AGL: variants seen among roughly 807,000 people sequenced by gnomAD.
AGL encodes the protein glycogen debranching enzyme.
Under a neutral mutation model 199.3 loss-of-function variants are expected in AGL, and 128 were observed. That is an observed-to-expected ratio of 0.64 (90% CI 0.56 to 0.74). The LOEUF is 0.74. AGL is among the 30% of genes least tolerant of loss of function. The pLI is 0.00. For missense variants in AGL, 1,809 were observed against 1,820.8 expected (o/e 0.99, Z 0.12); for synonymous variants, 584 against 594.7 (o/e 0.98, Z 0.26).
chr1:99,881,519 A>T (rs573767795), intron 16 of AGL, 22 bp from the exon 17 acceptor site: 2 of 1,613,802 alleles, frequency 1.2e-6, no homozygotes, highest in Non-Finnish European at 1.7e-6. Flanking sequence ...GAGCTAATCT[A>T]GTTGTTCTTT....
intron 3 of AGL, 142 bp from the exon 4 acceptor site, chr1:99,862,115 A>C (rs1474218883): frequency 1.1e-6 from 1 of 919,590 alleles, no homozygotes; most frequent in African/African-American, 1.7e-5. Flanking sequence ...TTTTGTTGCA[A>C]CTTTTAAAAT....
chr1:99,917,880 C>T (rs1006697265), intron 33 of AGL, among the ~76,000 whole-genome samples: 3 of 152,154 alleles, frequency 2.0e-5, no homozygotes, highest in African/African-American at 7.2e-5. Context: ...TATTACCCCC[C>T]ACACTACATG....
intron 12 of AGL, among the ~76,000 whole-genome samples, chr1:99,879,189 G>A (rs967484297): frequency 6.6e-6 from 1 of 152,172 alleles, no homozygotes; most frequent in African/African-American, 2.4e-5. Flanking sequence ...AGTCTGGTCA[G>A]ACAAATCTAA....
At chr1:99,916,522 G>A in intron 32 of AGL, 25 bp downstream of exon 32, 1 of 1,605,774 alleles carries the variant, frequency 6.2e-7, no homozygotes, top group South Asian at 1.1e-5. Context: ...TATCTTCTGA[G>A]TTTCAGTTTA....
intron 33 of AGL, among the ~76,000 whole-genome samples, chr1:99,919,858 A>G (rs1477324053): frequency 6.6e-6 from 1 of 152,096 alleles, no homozygotes; most frequent in Non-Finnish European, 1.5e-5. Flanking sequence ...TTGGATTCTA[A>G]CTACCCACTC....
At chr1:99,887,422 T>G (rs1037260695) in intron 20 of AGL, among the ~76,000 whole-genome samples, 3 of 152,104 alleles carry the variant, frequency 2.0e-5, no homozygotes, top group African/African-American at 4.8e-5. Context: ...AGTGCAACCT[T>G]AGAGAAGAGA....
chr1:99,885,639 G>A (rs532040564), intron 20 of AGL, among the ~76,000 whole-genome samples: 2 of 152,150 alleles, frequency 1.3e-5, no homozygotes, highest in African/African-American at 4.8e-5. Flanking sequence ...ATTCTCATAG[G>A]GACGTGAACC....
At chr1:99,904,417 ATC>A (rs1654096375) in intron 27 of AGL, among the ~76,000 whole-genome samples, 1 of 152,238 alleles carries the variant, frequency 6.6e-6, no homozygotes, top group African/African-American at 2.4e-5. Context: ...CCAGTACAGC[ATC>A]AGAGTCAGGA....
At chr1:99,865,905 A>AAC (rs1382337688) in intron 5 of AGL, among the ~76,000 whole-genome samples, 2 of 152,226 alleles carry the variant, frequency 1.3e-5, no homozygotes, top group African/African-American at 4.8e-5. Context: ...TGTACCTAGA[A>AAC]ACCAAGCCTC....
At chr1:99,920,784 A>T (rs1655463166) in intron 33 of AGL, among the ~76,000 whole-genome samples, 1 of 152,164 alleles carries the variant, frequency 6.6e-6, no homozygotes, top group South Asian at 2.1e-4. Flanking sequence ...CCAACTTAAA[A>T]ATGAAACATT....
At chr1:99,902,816 A>T (rs1653949419) in intron 27 of AGL, 22 bp downstream of exon 27, 2 of 1,555,638 alleles carry the variant, frequency 1.3e-6, no homozygotes, top group Non-Finnish European at 1.8e-6. Context: ...TAACTAAAAT[A>T]GTACAAATTT....
At chr1:99,908,287 A>G (rs997106729) in intron 27 of AGL, among the ~76,000 whole-genome samples, 8 of 151,998 alleles carry the variant, frequency 5.3e-5, no homozygotes, top group South Asian at 2.1e-4. Context: ...CCCTTCCCCA[A>G]TGAATGGTCT....
intron 27 of AGL, among the ~76,000 whole-genome samples, chr1:99,903,742 A>G (rs1654033762): frequency 6.6e-6 from 1 of 152,344 alleles, no homozygotes; most frequent in East Asian, 1.9e-4. Context: ...ACTAGTTAAC[A>G]GTCCCCCCAA....
chr1:99,890,650 A>AAT (rs149556091), intron 21 of AGL, among the ~76,000 whole-genome samples: 52 of 76,068 alleles, frequency 6.8e-4, no homozygotes, highest in Middle Eastern at 5.5e-3. Flanking sequence ...AGAAAAAAAA[A>AAT]ATATATATAT....
chr1:99,878,682 A>C (rs756400729), intron 12 of AGL, among the ~76,000 whole-genome samples: 2 of 152,008 alleles, frequency 1.3e-5, no homozygotes, highest in East Asian at 3.8e-4. Context: ...TGTTCTTTGG[A>C]AATGTGTGCT....
chr1:99,891,764 A>G, intron 23 of AGL, 25 bp downstream of exon 23: 1 of 1,612,980 alleles, frequency 6.2e-7, no homozygotes, highest in Non-Finnish European at 8.5e-7. Context: ...GCTTGAATAA[A>G]TGGGCATATC....
At chr1:99,855,709 G>C (rs1167527878) in intron 2 of AGL, among the ~76,000 whole-genome samples, 1 of 151,912 alleles carries the variant, frequency 6.6e-6, no homozygotes, top group Non-Finnish European at 1.5e-5. Context: ...GCTAAGGCAG[G>C]AGAATCGCTT....
In AGL at chr1:99,884,455, T is replaced by A; in HGVS notation, c.2546+4T>A. The A allele has an allele frequency of 6.2e-7, 1 of 1,606,276 alleles. No homozygotes were observed. Among genetic ancestry groups the A allele is most frequent in the East Asian group, 2.2e-5 (1 of 44,762 alleles). On this transcript the variant is annotated splice_donor_region_variant and intron_variant, in intron 19 of 33. Coordinates refer to ENST00000361915, the MANE Select transcript of AGL (RefSeq NM_000642.3). ...CAGGAAGTGTTATTATATTCAGGTA[T>A]GTTAATTGAGCTCAAACTGTTGACT... is the stretch of plus-strand genomic sequence containing the variant.
intron 20 of AGL, among the ~76,000 whole-genome samples, chr1:99,886,766 G>A (rs1046069122): frequency 1.3e-5 from 2 of 152,168 alleles, no homozygotes; most frequent in African/African-American, 2.4e-5. Flanking sequence ...TTTCTTTGTT[G>A]TTTTGTAAGA....
Sources: allele counts gnomAD v4.1 joint callset (sites outside exome capture counted in the v4.1 genomes callset), GRCh38; gene constraint gnomAD v4.1.1; transcripts MANE v1.5; gene names NCBI Gene and HGNC (gene_info 2026-07-23, HGNC 2026-07-21).